Variants in HDAC4 observed in about 807,000 individuals in gnomAD.
The protein encoded by HDAC4 is histone deacetylase 4, also known as histone deacetylase A.
HDAC4 carries 16 observed loss-of-function variants against 135.1 expected under a neutral mutation model. That is an observed-to-expected ratio of 0.12 (90% confidence interval 0.08 to 0.18). HDAC4 has a LOEUF of 0.18. Ranked by LOEUF, HDAC4 falls within the 10% of genes least tolerant of loss-of-function variation. HDAC4 has a pLI of 1.00. For synonymous variants in HDAC4, 685 were observed against 653.4 expected (o/e 1.05, Z -0.74); for missense variants, 1,143 against 1,511.8 (o/e 0.76, Z 4.05).
chr2:239,289,607 G>A (rs1363043658), intron 2 of HDAC4, among the ~76,000 whole-genome samples: 1 of 147,168 alleles, frequency 6.8e-6, no homozygotes, highest in Non-Finnish European at 1.5e-5. Context: ...ATCCAGGCTG[G>A]GGAGAGAGCA....
chr2:239,212,292 G>A (rs1349732391), intron 3 of HDAC4, among the ~76,000 whole-genome samples: 1 of 152,012 alleles, frequency 6.6e-6, no homozygotes, highest in East Asian at 1.9e-4. Flanking sequence ...GCGGGCAGGG[G>A]GCATTTCCCT....
At chr2:239,096,632 C>T (rs1187034165) in intron 16 of HDAC4, among the ~76,000 whole-genome samples, 1 of 82,270 alleles carries the variant, frequency 1.2e-5, no homozygotes. Context: ...CCAGCACCTC[C>T]CATGGATGCC....
At chr2:239,383,440 G>A (rs1353090101) in intron 1 of HDAC4, among the ~76,000 whole-genome samples, 1 of 152,196 alleles carries the variant, frequency 6.6e-6, no homozygotes, top group Non-Finnish European at 1.5e-5. Context: ...ATGACATGTG[G>A]GCAGGCAGGG....
chr2:239,365,364 G>A lies in HDAC4; in HGVS notation c.-219-12446C>T, dbSNP rs76043320. Among the ~76,000 whole-genome samples, 1,450 of 152,298 alleles carry A rather than the reference G, an allele frequency of 9.5e-3. 10 individuals carry two copies. Among genetic ancestry groups the A allele is most frequent in the Admixed American group, 0.017 (263 of 15,298 alleles). ...ATTCCATTTCACTGTGCTGTAACGG[G>A]AATAAAATAGGAAGGATTTCACACA... On this transcript the variant is annotated intron_variant, in intron 1 of 26. Transcript: ENST00000543185.
At chr2:239,067,437 G>A (rs983852993) in intron 23 of HDAC4, among the ~76,000 whole-genome samples, 3 of 152,292 alleles carry the variant, frequency 2.0e-5, no homozygotes, top group East Asian at 1.9e-4. Context: ...ACCACGCGCC[G>A]CTAATTAGTG....
At chr2:239,153,944 T>C (rs1011375647) in intron 7 of HDAC4, among the ~76,000 whole-genome samples, 1 of 152,254 alleles carries the variant, frequency 6.6e-6, no homozygotes, top group Non-Finnish European at 1.5e-5. Context: ...CCGTCTCCCA[T>C]GCTGATAGCC....
rs140324209 is a variant in HDAC4 at position 239,236,489 on chromosome 2, T to TC, written c.94+103dup. 7 of 889,664 alleles carry TC rather than the reference T, an allele frequency of 7.9e-6. No individual in the cohort carries two copies. The Admixed American group carries it at 8.3e-5, about 10-fold the overall frequency. 55.1% of individuals were successfully genotyped at this position (889,664 alleles called of 1,614,324 possible). A position where few individuals can be genotyped will look rare whatever the true frequency, so the allele number is the denominator to read the frequency against. ...TTCAGTGAACCTGATACCCCACACC[T>TC]CCCCCCTCGCCCTCTCTGCACTCCT... On this transcript the variant is annotated intron_variant, in intron 3 of 26. Coordinates refer to ENST00000543185, the MANE Select transcript of HDAC4 (RefSeq NM_001378414.1).
intron 3 of HDAC4, among the ~76,000 whole-genome samples, chr2:239,197,814 C>A (rs2045490778): frequency 6.7e-6 from 1 of 149,814 alleles, no homozygotes; most frequent in Non-Finnish European, 1.5e-5. Context: ...CTTGTCTAGT[C>A]TCTGAAGATA....
chr2:239,218,666 T>G (rs1288205058), intron 3 of HDAC4, among the ~76,000 whole-genome samples: 3 of 147,862 alleles, frequency 2.0e-5, no homozygotes, highest in Admixed American at 1.3e-4. Context: ...GAAACTACCA[T>G]CAGAGTGAAC....
intron 24 of HDAC4, among the ~76,000 whole-genome samples, chr2:239,059,415 C>T (rs917366943): frequency 1.3e-5 from 2 of 152,108 alleles, no homozygotes; most frequent in Admixed American, 6.5e-5. Context: ...GCAGGACTGA[C>T]GGAGGAAACC....
intron 17 of HDAC4, chr2:239,092,036 A>T (rs755765747): frequency 1.3e-5 from 2 of 152,360 alleles, no homozygotes; most frequent in South Asian, 4.1e-4. Context: ...GCGCCACTGC[A>T]CTCCAGCCTG....
At position 239,048,341 on chromosome 2, in the gene HDAC4, C is replaced by T. The variant is rs139647944; in HGVS notation, c.*4756G>A. 1 of 152,280 alleles carries T rather than the reference C, an allele frequency of 6.6e-6. No homozygotes were observed. Among genetic ancestry groups the T allele is most frequent in the Admixed American group, 6.5e-5 (1 of 15,286 alleles). The allele number at this position is 152,280 out of a possible 1,614,324, so 9.4% of individuals were successfully genotyped here. ...AAGACAAGAATGAGAAAACCAAACA[C>T]AAAACCTCCAACTCCACTGAGCAAA... On this transcript the variant is annotated 3_prime_UTR_variant, in exon 27 of 27. Coordinates refer to ENST00000543185, the MANE Select transcript of HDAC4 (RefSeq NM_001378414.1).
At chr2:239,193,242 C>T (rs1575363580) in intron 3 of HDAC4, among the ~76,000 whole-genome samples, 1 of 152,256 alleles carries the variant, frequency 6.6e-6, no homozygotes, top group African/African-American at 2.4e-5. Flanking sequence ...TTTAGCGCAT[C>T]CCCCTCCATT....
At chr2:239,170,401 G>T (rs191346445) in intron 5 of HDAC4, among the ~76,000 whole-genome samples, 2 of 152,194 alleles carry the variant, frequency 1.3e-5, no homozygotes, top group Admixed American at 1.3e-4. Context: ...ACAAACAAAT[G>T]AACAAAAATG....
chr2:239,261,510 T>C (rs1296630327), intron 2 of HDAC4, among the ~76,000 whole-genome samples: 2 of 152,032 alleles, frequency 1.3e-5, no homozygotes, highest in Non-Finnish European at 2.9e-5. Context: ...TCCTAGGACA[T>C]GACAAAACAC....
intron 6 of HDAC4, chr2:239,162,432 C>T (rs922810414): frequency 2.3e-6 from 1 of 434,362 alleles, no homozygotes; most frequent in Non-Finnish European, 4.7e-6. Flanking sequence ...GCTCCTTCTG[C>T]CCTGCAACCC....
At chr2:239,113,140 C>T (rs1028789380) in intron 13 of HDAC4, among the ~76,000 whole-genome samples, 2 of 152,238 alleles carry the variant, frequency 1.3e-5, no homozygotes, top group Non-Finnish European at 2.9e-5. Flanking sequence ...ATCCCAGCTA[C>T]TTGGGAGGCT....
chr2:239,212,684 T>C (rs2046407975), intron 3 of HDAC4, among the ~76,000 whole-genome samples: 1 of 152,156 alleles, frequency 6.6e-6, no homozygotes, highest in Admixed American at 6.5e-5. Flanking sequence ...ACAGGGGCAG[T>C]GAGAGCTGAC....
intron 24 of HDAC4, among the ~76,000 whole-genome samples, chr2:239,055,681 C>T (rs1205692563): frequency 6.8e-6 from 1 of 147,990 alleles, no homozygotes; most frequent in African/African-American, 2.5e-5. Context: ...TGTGCCACCG[C>T]ACTCCAGCCT....
Sources: allele counts gnomAD v4.1 joint callset (sites outside exome capture counted in the v4.1 genomes callset), GRCh38; gene constraint gnomAD v4.1.1; transcripts MANE v1.5; gene names NCBI Gene and HGNC (gene_info 2026-07-23, HGNC 2026-07-21).